Variants in PRKCE observed in about 807,000 individuals in gnomAD.
PRKCE encodes protein kinase C epsilon, also known as protein kinase C epsilon type.
PRKCE carries 16 observed loss-of-function variants against 85.4 expected under a neutral mutation model. The ratio of observed to expected loss-of-function variants is 0.19; its 90% CI spans 0.13 to 0.28. PRKCE has a LOEUF of 0.28. Among genes scored for constraint, PRKCE ranks in the 10% least tolerant of loss-of-function variants. The probability of loss-of-function intolerance (pLI) is 1.00; values close to 1 mark genes in which losing one functional copy is unlikely to be tolerated. For synonymous variants in PRKCE, 388 were observed against 371.5 expected, an observed-to-expected ratio of 1.04 and a Z score of -0.51; for missense variants, 573 against 975.2, an observed-to-expected ratio of 0.59 and a Z score of 5.49.
chr2:45,883,959 C>T (rs193162980), intron 2 of PRKCE, among the ~76,000 whole-genome samples: 17 of 152,292 alleles, frequency 1.1e-4, no homozygotes, highest in East Asian at 9.7e-4. Flanking sequence ...ACTGCAGAGT[C>T]GCTCAGAATC....
At chr2:46,105,185 A>T (rs909306152) in intron 11 of PRKCE, among the ~76,000 whole-genome samples, 5 of 151,644 alleles carry the variant, frequency 3.3e-5, no homozygotes, top group African/African-American at 7.3e-5. Context: ...TTTAAGACAA[A>T]TTTTTTTCTG....
chr2:45,672,631 A>G (rs1416415626), intron 1 of PRKCE, among the ~76,000 whole-genome samples: 1 of 152,210 alleles, frequency 6.6e-6, no homozygotes, highest in Non-Finnish European at 1.5e-5. Flanking sequence ...TGACCAGACT[A>G]CCCTGTGGGC....
At chr2:45,981,406 C>G (rs921123635) in intron 5 of PRKCE, among the ~76,000 whole-genome samples, 2 of 152,196 alleles carry the variant, frequency 1.3e-5, no homozygotes, top group Non-Finnish European at 2.9e-5. Flanking sequence ...ATAGAGACTT[C>G]TACCTGCTTC....
At chr2:46,002,180 G>C (rs1704742904) in intron 7 of PRKCE, among the ~76,000 whole-genome samples, 1 of 152,226 alleles carries the variant, frequency 6.6e-6, no homozygotes, top group African/African-American at 2.4e-5. Context: ...CAGGGGGAAA[G>C]GCATCCGTAG....
At chr2:45,911,851 G>T (rs1351161006) in intron 2 of PRKCE, among the ~76,000 whole-genome samples, 1 of 152,062 alleles carries the variant, frequency 6.6e-6, no homozygotes, top group Non-Finnish European at 1.5e-5. Flanking sequence ...TACCTACCTG[G>T]TAGGATTGTT....
chr2:46,129,320 A>T lies in PRKCE; in HGVS notation c.1593-15773A>T, dbSNP rs2104394051. On this transcript the variant is annotated intron_variant, in intron 11 of 14. Coordinates refer to ENST00000306156, the MANE Select transcript of PRKCE (RefSeq NM_005400.3). ...TCCAAGGAAGGTGGGGGCCCATGGC[A>T]GGTGCTCAGTACGTAGCTGTTGATG... 1.3e-5 allele frequency among the ~76,000 whole-genome samples: 2 copies of T among 152,312 alleles called. 1 individual carries two copies. The highest frequency in any genetic ancestry group is 4.1e-4 in the South Asian group (2 of 4,830).
At chr2:46,060,655 C>T (rs900656765) in intron 10 of PRKCE, among the ~76,000 whole-genome samples, 1 of 151,960 alleles carries the variant, frequency 6.6e-6, no homozygotes, top group East Asian at 1.9e-4. Flanking sequence ...CTCCCCTTCC[C>T]GTTGCTGTAT....
At chr2:45,866,006 GAC>G (rs369490538) in intron 2 of PRKCE, among the ~76,000 whole-genome samples, 161 of 152,036 alleles carry the variant, frequency 1.1e-3, no homozygotes, top group African/African-American at 3.8e-3. Context: ...ATTTTGTAGA[GAC>G]ACAGTTTCCC....
chr2:45,733,116 G>T (rs1681732311), intron 1 of PRKCE, among the ~76,000 whole-genome samples: 1 of 152,210 alleles, frequency 6.6e-6, no homozygotes, highest in South Asian at 2.1e-4. Flanking sequence ...GTTTACTGGT[G>T]ATCCCTGTGG....
At position 46,057,720 on chromosome 2, in the gene PRKCE, A is replaced by G. The variant is rs554277215; in HGVS notation, c.1438-28488A>G. On this transcript the variant is annotated intron_variant, in intron 10 of 14. Coordinates refer to ENST00000306156, the MANE Select transcript of PRKCE (RefSeq NM_005400.3). Reference sequence around the variant, plus strand: ...ATTTTTTTTAATGTACTGAATGTCTATATGACCTTGTATTTTTGTTTGTTT... The same window carrying G: ...ATTTTTTTTAATGTACTGAATGTCTGTATGACCTTGTATTTTTGTTTGTTT... Among the ~76,000 whole-genome samples, 18 of 152,224 alleles carry G rather than the reference A, an allele frequency of 1.2e-4. No homozygotes were observed. In the South Asian group the frequency reaches 3.7e-3, roughly 32 times the overall value.
chr2:46,100,600 A>G (rs1485801119), intron 11 of PRKCE, among the ~76,000 whole-genome samples: 2 of 152,230 alleles, frequency 1.3e-5, no homozygotes, highest in Non-Finnish European at 2.9e-5. Flanking sequence ...CGTGTTGGAA[A>G]TCTGCTCATG....
At chr2:46,033,812 G>A (rs983221804) in intron 10 of PRKCE, among the ~76,000 whole-genome samples, 1 of 152,182 alleles carries the variant, frequency 6.6e-6, no homozygotes, top group African/African-American at 2.4e-5. Context: ...AGGGCAACTG[G>A]GCATGGGAGG....
chr2:46,065,230 C>G (rs1039043850), intron 10 of PRKCE, among the ~76,000 whole-genome samples: 1 of 151,668 alleles, frequency 6.6e-6, no homozygotes, highest in Non-Finnish European at 1.5e-5. Context: ...CTGTTCAAGA[C>G]CTGTATCTTG....
rs564518796 is a variant in PRKCE at position 45,749,921 on chromosome 2, G to A, written c.349-93079G>A. Among the ~76,000 whole-genome samples the A allele has an allele frequency of 2.0e-5, 3 of 152,286 alleles. No homozygotes were observed. The South Asian group carries it at 6.2e-4, about 32-fold the overall frequency. ...AACATTCTTCCAGAGGTATTTAGAG[G>A]AGTCAAGAACTGCATAAAAGGATAA... On this transcript the variant is annotated intron_variant, in intron 1 of 14. Transcript: ENST00000306156.
chr2:45,676,456 A>ATGTATTATATTC (rs1202695001), intron 1 of PRKCE, among the ~76,000 whole-genome samples: 4 of 152,272 alleles, frequency 2.6e-5, no homozygotes, highest in Non-Finnish European at 5.9e-5. Flanking sequence ...GCAGGTCAGA[A>ATGTATTATATTC]TGACGTCAAT....
chr2:46,113,425 G>T (rs998996204), intron 11 of PRKCE, among the ~76,000 whole-genome samples: 1 of 152,132 alleles, frequency 6.6e-6, no homozygotes, highest in African/African-American at 2.4e-5. Context: ...ACAGAATGTG[G>T]TCAGGACCTA....
intron 11 of PRKCE, among the ~76,000 whole-genome samples, chr2:46,098,507 G>T (rs1272506316): frequency 1.3e-5 from 2 of 152,142 alleles, no homozygotes; most frequent in Admixed American, 6.5e-5. Context: ...TCTCAAAAAT[G>T]GGGATGAATG....
In PRKCE at chr2:46,155,408, CTCTTGT is replaced by C. The variant is rs1278762541; in HGVS notation, c.1920+4182_1920+4187del. ...CATGAATGGATTCTGGTCACCGCCT[CTCTTGT>C]TCCTCAGGCCTGGGCCCCGGGTCCT... is the stretch of plus-strand genomic sequence containing the variant. On this transcript the variant is annotated intron_variant, in intron 13 of 14. Coordinates refer to ENST00000306156, the MANE Select transcript of PRKCE (RefSeq NM_005400.3). This position sits in a 1 kb window ranked among gnomAD's most constrained non-coding sequence, Gnocchi z 4.7. Among the ~76,000 whole-genome samples, 1 of 152,146 alleles carries C rather than the reference CTCTTGT, an allele frequency of 6.6e-6. No individual in the cohort carries two copies. The highest frequency in any genetic ancestry group is 1.5e-5 in the Non-Finnish European group (1 of 68,014).
intron 2 of PRKCE, among the ~76,000 whole-genome samples, chr2:45,873,101 T>C (rs1035709552): frequency 8.5e-5 from 13 of 152,096 alleles, no homozygotes; most frequent in African/African-American, 3.1e-4. Flanking sequence ...TTCTTTAGAG[T>C]GTTTTAAACT....
Sources: allele counts gnomAD v4.1 joint callset (sites outside exome capture counted in the v4.1 genomes callset), GRCh38; gene constraint gnomAD v4.1.1; non-coding constraint Gnocchi (gnomAD v3.1); transcripts MANE v1.5; gene names NCBI Gene and HGNC (gene_info 2026-07-23, HGNC 2026-07-21).